Variants in MORC1 observed in about 807,000 individuals in gnomAD.
The protein encoded by MORC1 is MORC family CW-type zinc finger 1.
MORC1 carries 59 observed loss-of-function variants against 134.9 expected under a neutral mutation model. The ratio of observed to expected loss-of-function variants is 0.44; its 90% CI spans 0.35 to 0.54. The LOEUF (loss-of-function observed/expected upper bound fraction) is 0.54. MORC1 is among the 20% of genes least tolerant of loss of function. MORC1 has a pLI of 0.00. For missense variants in MORC1, 947 were observed against 1,134.5 expected (o/e 0.83, Z 2.37); for synonymous variants, 395 against 391.7 (o/e 1.01, Z -0.10).
At chr3:109,092,703 C>G (rs1200246169) in intron 8 of MORC1, among the ~76,000 whole-genome samples, 1 of 152,040 alleles carries the variant, frequency 6.6e-6, no homozygotes, top group East Asian at 1.9e-4. Flanking sequence ...AACATGGCTA[C>G]TAGAAAATTT....
In MORC1 at chr3:109,057,385, T is replaced by C. The variant is rs964038214; in HGVS notation, c.1133A>G (p.Lys378Arg). The change falls in exon 13 of 28, where the codon AAA (lysine) becomes AGA (arginine). Residue 378 changes from lysine to arginine, a missense_variant. Coordinates refer to ENST00000232603, the MANE Select transcript of MORC1 (RefSeq NM_014429.4). ...CTGTGAGCCCACTTTTTCATGCATT[T>C]TGATCAAACGGTTATTACTGTAAAT... is the stretch of plus-strand genomic sequence containing the variant. ...MFIYSNNRLIKMHEKVGSQLK... is the reference protein window; with the variant it reads ...MFIYSNNRLIRMHEKVGSQLK... 1 of 1,611,142 alleles carries C rather than the reference T, an allele frequency of 6.2e-7. No homozygotes were observed. The highest frequency in any genetic ancestry group is 1.3e-5 in the African/African-American group (1 of 75,024).
chr3:109,106,256 C>T (rs895883898), intron 3 of MORC1, among the ~76,000 whole-genome samples: 1 of 152,214 alleles, frequency 6.6e-6, no homozygotes, highest in African/African-American at 2.4e-5. Flanking sequence ...AGCTGATTTG[C>T]ACTTCTTTGT....
chr3:108,988,732 T>C (rs1047015239), intron 21 of MORC1, among the ~76,000 whole-genome samples: 3 of 152,148 alleles, frequency 2.0e-5, no homozygotes, highest in Non-Finnish European at 4.4e-5. Context: ...TCTTTTATGA[T>C]GAAATCAAAC....
intron 17 of MORC1, among the ~76,000 whole-genome samples, chr3:109,010,680 T>A (rs527828496): frequency 1.3e-5 from 2 of 152,288 alleles, no homozygotes; most frequent in African/African-American, 4.8e-5. Context: ...CCCTGCCCCA[T>A]CCCTAACCAA....
intron 24 of MORC1, among the ~76,000 whole-genome samples, chr3:108,973,336 C>T (rs1947445369): frequency 6.6e-6 from 1 of 152,022 alleles, no homozygotes; most frequent in South Asian, 2.1e-4. Flanking sequence ...GTGATAAATG[C>T]TTGGAGGACA....
At chr3:108,993,751 T>C (rs9288885) in intron 21 of MORC1, among the ~76,000 whole-genome samples, 31,005 of 152,144 alleles carry the variant, frequency 0.2, 3,499 homozygotes, top group Middle Eastern at 0.32. Context: ...CTAGGGTGAA[T>C]GCAGTTGATT....
intron 8 of MORC1, among the ~76,000 whole-genome samples, chr3:109,090,638 A>AC (rs1559946334): frequency 6.6e-6 from 1 of 151,502 alleles, no homozygotes; most frequent in Admixed American, 6.6e-5. Context: ...AAAAAAAAAA[A>AC]AAAACACGAT....
intron 9 of MORC1, among the ~76,000 whole-genome samples, chr3:109,065,653 G>A (rs1950178708): frequency 1.3e-5 from 2 of 152,122 alleles, no homozygotes; most frequent in African/African-American, 4.8e-5. Flanking sequence ...AAAATACTCA[G>A]GTGGACCTAT....
intron 27 of MORC1, among the ~76,000 whole-genome samples, chr3:108,960,216 A>G (rs1947044758): frequency 1.3e-5 from 2 of 152,244 alleles, no homozygotes; most frequent in Non-Finnish European, 2.9e-5. Context: ...AATAGCAGAA[A>G]CAATCGCCAA....
intron 17 of MORC1, among the ~76,000 whole-genome samples, chr3:109,025,038 T>C (rs1416941045): frequency 1.3e-5 from 2 of 152,214 alleles, no homozygotes; most frequent in African/African-American, 4.8e-5. Flanking sequence ...GGATTATTTT[T>C]GTGAAAGGAG....
At chr3:108,982,994 T>C (rs1947788108) in intron 23 of MORC1, among the ~76,000 whole-genome samples, 1 of 151,892 alleles carries the variant, frequency 6.6e-6, no homozygotes, top group Non-Finnish European at 1.5e-5. Flanking sequence ...TTTCTAACAT[T>C]CATATTGTAT....
At chr3:109,102,126 T>C (rs543452007) in intron 4 of MORC1, among the ~76,000 whole-genome samples, 1 of 152,230 alleles carries the variant, frequency 6.6e-6, no homozygotes, top group African/African-American at 2.4e-5. Flanking sequence ...GGTAATGCGA[T>C]AGAGAATTAA....
intron 17 of MORC1, among the ~76,000 whole-genome samples, chr3:109,022,397 T>G (rs1043410321): frequency 6.6e-6 from 1 of 152,226 alleles, no homozygotes; most frequent in African/African-American, 2.4e-5. Context: ...CAAGCCTTCT[T>G]TGTTATGCAT....
chr3:109,036,958 CTGTTCTGGAAA>C (rs1282729209), intron 14 of MORC1, among the ~76,000 whole-genome samples: 10 of 152,140 alleles, frequency 6.6e-5, no homozygotes, highest in Non-Finnish European at 1.5e-4. Context: ...TGATTAACCC[CTGTTCTGGAAA>C]TGCCTCTAAA....
intron 8 of MORC1, among the ~76,000 whole-genome samples, chr3:109,083,645 C>A (rs952035627): frequency 6.6e-6 from 1 of 152,166 alleles, no homozygotes; most frequent in African/African-American, 2.4e-5. Context: ...GGAAGGAATT[C>A]TTTCAAACTC....
At chr3:109,080,839 C>T (rs1950507279) in intron 8 of MORC1, among the ~76,000 whole-genome samples, 1 of 152,008 alleles carries the variant, frequency 6.6e-6, no homozygotes, top group South Asian at 2.1e-4. Flanking sequence ...CAATTAAGTT[C>T]TAATGGGGCA....
intron 21 of MORC1, among the ~76,000 whole-genome samples, chr3:108,997,616 G>T (rs1004523816): frequency 1.3e-5 from 2 of 152,180 alleles, no homozygotes; most frequent in Admixed American, 6.6e-5. Context: ...GGACTCAGTG[G>T]GGGTAGGGAG....
At chr3:109,027,108 C>G (rs6795867) in intron 17 of MORC1, among the ~76,000 whole-genome samples, 138,805 of 152,240 alleles carry the variant, frequency 0.91, 64,196 homozygotes, top group East Asian at 1. Flanking sequence ...TATGCTACAA[C>G]TGCTATTTGA....
intron 14 of MORC1, among the ~76,000 whole-genome samples, chr3:109,043,963 G>C (rs138983169): frequency 0.014 from 2,078 of 152,258 alleles, 46 homozygotes; most frequent in African/African-American, 0.046. Flanking sequence ...CCTCAAGATA[G>C]GTCGATTAAA....
Sources: gnomAD v4.1 joint callset for allele counts (sites outside exome capture counted in the v4.1 genomes callset) on GRCh38, gnomAD v4.1.1 for gene constraint, MANE v1.5 for transcripts, NCBI Gene and HGNC (gene_info 2026-07-23, HGNC 2026-07-21) for gene names.